The following GTF2A1L variants were observed in gnomAD, a reference collection of about 807,000 sequenced individuals.
GTF2A1L encodes TFIIA-alpha and beta-like factor.
A neutral mutation model predicts 49.7 loss-of-function variants in GTF2A1L; 48 were observed. The ratio of observed to expected loss-of-function variants is 0.97; its 90% CI spans 0.77 to 1.23. The LOEUF (loss-of-function observed/expected upper bound fraction) is 1.23. Ranked by LOEUF, GTF2A1L falls within the 50% of genes most tolerant of loss-of-function variation. The pLI is 0.00. For missense variants in GTF2A1L, 736 were observed against 564.8 expected, an observed-to-expected ratio of 1.30 and a Z score of -3.07; for synonymous variants, 246 against 193.5, an observed-to-expected ratio of 1.27 and a Z score of -2.25.
chr2:48,645,050 T>G lies in GTF2A1L; in HGVS notation c.321T>G (p.Ser107Arg), dbSNP rs2104191274. The G allele has an allele frequency of 1.2e-6, 2 of 1,612,482 alleles. No individual in the cohort carries two copies. The highest frequency in any genetic ancestry group is 2.2e-5 in the East Asian group (1 of 44,750). Residue 107 changes from serine to arginine, a missense_variant, in exon 5 of 9, where the codon AGT (serine) becomes AGG (arginine). By Grantham distance (110) the Ser-to-Arg change is moderately radical. Transcript: ENST00000403751. ...ATATCTAGGGCACTTCAAACTCCAG[T>G]GCAAACTTTACTTTTCCTGGTTATC... is the stretch of plus-strand genomic sequence containing the variant. ...TTAELGTSNSSANFTFPGYPI... is the reference protein window; with the variant it reads ...TTAELGTSNSRANFTFPGYPI...
intron 3 of GTF2A1L, among the ~76,000 whole-genome samples, chr2:48,631,953 G>A (rs185309265): frequency 4.6e-5 from 7 of 152,264 alleles, no homozygotes; most frequent in Non-Finnish European, 8.8e-5. Context: ...AAATTTCCAT[G>A]TAATTGTGTG....
chr2:48,673,808 C>T (rs532425610), intron 8 of GTF2A1L, among the ~76,000 whole-genome samples: 1 of 152,200 alleles, frequency 6.6e-6, no homozygotes, highest in African/African-American at 2.4e-5. Flanking sequence ...ATTTTTGTGT[C>T]TCTGTGTCTT....
intron 6 of GTF2A1L, among the ~76,000 whole-genome samples, chr2:48,647,373 A>G (rs988940197): frequency 6.6e-6 from 1 of 152,090 alleles, no homozygotes; most frequent in Non-Finnish European, 1.5e-5. Flanking sequence ...TAGCATTTCT[A>G]AATTTTTCAT....
intron 2 of GTF2A1L, 48 bp from the exon 3 acceptor site, chr2:48,621,119 T>C: frequency 6.4e-7 from 1 of 1,573,922 alleles, no homozygotes; most frequent in Non-Finnish European, 8.6e-7. Flanking sequence ...AGTATCATTA[T>C]ATGTGTATAT....
intron 6 of GTF2A1L, among the ~76,000 whole-genome samples, chr2:48,647,399 A>G (rs1457187806): frequency 6.6e-6 from 1 of 152,176 alleles, no homozygotes; most frequent in African/African-American, 2.4e-5. Flanking sequence ...TAAATGAATT[A>G]TAATACTTCT....
At chr2:48,617,944 G>T (rs1221096892) in intron 1 of GTF2A1L, 49 bp downstream of exon 1, 73 of 1,539,060 alleles carry the variant, frequency 4.7e-5, no homozygotes, top group Non-Finnish European at 5.7e-5. Flanking sequence ...TGGGACTCCG[G>T]GTTCACGGCA....
chr2:48,662,195 T>G (rs1678547573), intron 6 of GTF2A1L, among the ~76,000 whole-genome samples: 1 of 152,230 alleles, frequency 6.6e-6, no homozygotes, highest in Non-Finnish European at 1.5e-5. Context: ...GTCTTATTGT[T>G]GTTACAGATT....
In GTF2A1L at chr2:48,673,720, G is replaced by A. The variant is rs80048983; in HGVS notation, c.1329+2040G>A. Among the ~76,000 whole-genome samples the A allele has an allele frequency of 4.5e-3, 687 of 152,170 alleles. 27 individuals carry two copies. The East Asian group carries it at 0.095, about 21-fold the overall frequency. ...AACTATTTTTCTGGACAGTCATACC[G>A]AAGTATGATAGGAGGAAAAAAGGAT... On this transcript the variant is annotated intron_variant, in intron 8 of 8. Transcript: ENST00000403751.
intron 6 of GTF2A1L, among the ~76,000 whole-genome samples, chr2:48,655,967 G>A (rs144689956): frequency 3.9e-4 from 59 of 152,204 alleles, no homozygotes; most frequent in African/African-American, 1.4e-3. Context: ...TTCATTTAGC[G>A]TAATATCTCA....
intron 3 of GTF2A1L, among the ~76,000 whole-genome samples, chr2:48,622,746 A>T (rs1289855520): frequency 6.6e-6 from 1 of 151,862 alleles, no homozygotes; most frequent in Non-Finnish European, 1.5e-5. Context: ...AGGCAGGATA[A>T]TCACTTGAAC....
At chr2:48,641,087 G>T (rs971549494) in intron 3 of GTF2A1L, among the ~76,000 whole-genome samples, 1 of 152,080 alleles carries the variant, frequency 6.6e-6, no homozygotes, top group Non-Finnish European at 1.5e-5. Flanking sequence ...GATGATTGTT[G>T]CTATTTTTTC....
At chr2:48,658,785 T>C (rs1259340496) in intron 6 of GTF2A1L, among the ~76,000 whole-genome samples, 1 of 152,190 alleles carries the variant, frequency 6.6e-6, no homozygotes, top group African/African-American at 2.4e-5. Flanking sequence ...ATAGATGTGT[T>C]TATAATAGTC....
intron 2 of GTF2A1L, 91 bp from the exon 3 acceptor site, chr2:48,621,076 G>C: frequency 6.6e-7 from 1 of 1,517,770 alleles, no homozygotes; most frequent in Non-Finnish European, 8.8e-7. Flanking sequence ...CCATCAGGAT[G>C]ACGTTAGTTT....
At chr2:48,661,362 T>G (rs1678490739) in intron 6 of GTF2A1L, among the ~76,000 whole-genome samples, 1 of 149,306 alleles carries the variant, frequency 6.7e-6, no homozygotes, top group Non-Finnish European at 1.5e-5. Context: ...CAGGTGATTC[T>G]CCTGCCTCAG....
intron 6 of GTF2A1L, among the ~76,000 whole-genome samples, chr2:48,656,686 G>A (rs1214674890): frequency 6.6e-6 from 1 of 151,962 alleles, no homozygotes; most frequent in South Asian, 2.1e-4. Flanking sequence ...AGCACAAAAG[G>A]TTTTGATTTT....
At chr2:48,641,702 A>C (rs1478127253) in intron 3 of GTF2A1L, among the ~76,000 whole-genome samples, 1 of 152,188 alleles carries the variant, frequency 6.6e-6, no homozygotes. Flanking sequence ...ATGATAGATT[A>C]CATTTACAAC....
rs1676162369 is a variant in GTF2A1L at position 48,624,045 on chromosome 2, CT to C, written c.247+2756del. Reference sequence around the variant, plus strand: ...CGTAGCAAACCTGTACACATACCCCCTGAATCTAAACCCAGAAACTTGTTTG... The same window carrying C: ...CGTAGCAAACCTGTACACATACCCCCGAATCTAAACCCAGAAACTTGTTTG... On this transcript the variant is annotated intron_variant, in intron 3 of 8. Coordinates refer to ENST00000403751, the MANE Select transcript of GTF2A1L (RefSeq NM_006872.5). Among the ~76,000 whole-genome samples the C allele has an allele frequency of 4.0e-5, 6 of 151,808 alleles. 2 individuals are homozygous for C. In the South Asian group the frequency reaches 1.3e-3, roughly 32 times the overall value.
At chr2:48,639,852 G>T (rs1360843705) in intron 3 of GTF2A1L, among the ~76,000 whole-genome samples, 3 of 151,882 alleles carry the variant, frequency 2.0e-5, no homozygotes, top group Non-Finnish European at 2.9e-5. Context: ...ATTTACAAGA[G>T]AAGAACAAAC....
intron 6 of GTF2A1L, among the ~76,000 whole-genome samples, chr2:48,664,706 G>C (rs1446822710): frequency 6.6e-6 from 1 of 151,966 alleles, no homozygotes; most frequent in African/African-American, 2.4e-5. Context: ...TAGGTTATCT[G>C]TTTCTTCTTG....
Sources: gnomAD v4.1 joint callset for allele counts (sites outside exome capture counted in the v4.1 genomes callset) on GRCh38, gnomAD v4.1.1 for gene constraint, MANE v1.5 for transcripts, NCBI Gene and HGNC (gene_info 2026-07-23, HGNC 2026-07-21) for gene names.